CD6: variants seen among roughly 807,000 people sequenced by gnomAD.
CD6 encodes CD6 molecule, also known as T-cell differentiation antigen CD6.
CD6 carries 53 observed loss-of-function variants against 75.3 expected under a neutral mutation model. The ratio of observed to expected loss-of-function variants is 0.70; its 90% CI spans 0.56 to 0.88. The LOEUF is 0.88. Among genes scored for constraint, CD6 ranks in the 40% least tolerant of loss-of-function variants. The pLI, the probability that CD6 is intolerant of heterozygous loss-of-function variation, is 0.00. For missense variants in CD6, 770 were observed against 897.1 expected, an observed-to-expected ratio of 0.86 and a Z score of 1.81; for synonymous variants, 359 against 381.5, an observed-to-expected ratio of 0.94 and a Z score of 0.69.
intron 1 of CD6, among the ~76,000 whole-genome samples, chr11:60,988,384 C>T (rs1197381942): frequency 6.6e-6 from 1 of 152,212 alleles, no homozygotes; most frequent in African/African-American, 2.4e-5. Context: ...CTGTCAGCCC[C>T]CAGCTGTTAA....
intron 1 of CD6, chr11:60,985,096 A>G (rs976561935): frequency 6.6e-6 from 1 of 150,920 alleles, no homozygotes; most frequent in Non-Finnish European, 1.5e-5. Context: ...CACGTGTCAT[A>G]CCTGTACAGG....
intron 1 of CD6, among the ~76,000 whole-genome samples, chr11:60,995,999 T>A (rs1858279329): frequency 6.6e-6 from 1 of 152,134 alleles, no homozygotes; most frequent in Admixed American, 6.5e-5. Context: ...CTTGGCATGA[T>A]CACCAAAGCA....
chr11:60,977,308 A>G (rs1857401324), intron 1 of CD6, among the ~76,000 whole-genome samples: 1 of 152,168 alleles, frequency 6.6e-6, no homozygotes, highest in African/African-American at 2.4e-5. Flanking sequence ...CTTGGAGTGT[A>G]GACCTCCCAG....
chr11:61,006,427 T>A, intron 1 of CD6, 147 bp from the exon 2 acceptor site: 1 of 621,132 alleles, frequency 1.6e-6, no homozygotes, highest in South Asian at 1.9e-5. Context: ...GGGAGGCCAA[T>A]GCACCCAAAG....
chr11:61,009,137 T>G (rs373290953), intron 4 of CD6, among the ~76,000 whole-genome samples: 1 of 151,478 alleles, frequency 6.6e-6, no homozygotes, highest in Non-Finnish European at 1.5e-5. Flanking sequence ...CGAGTGGGAG[T>G]TGGCCACCTG....
intron 6 of CD6, among the ~76,000 whole-genome samples, chr11:61,013,193 T>A (rs531383232): frequency 6.6e-6 from 1 of 152,368 alleles, no homozygotes; most frequent in East Asian, 1.9e-4. Flanking sequence ...TGGCCAGAGT[T>A]CTATTTCAGG....
At chr11:60,989,521 G>A (rs1857974485) in intron 1 of CD6, 1 of 152,494 alleles carries the variant, frequency 6.6e-6, no homozygotes, top group African/African-American at 2.4e-5. Context: ...ACCTACCTCA[G>A]AGAGACAACA....
rs910803372 is a variant in CD6, at chr11:61,018,129, C to A, written c.1837+116C>A. The A allele has an allele frequency of 8.0e-5, 110 of 1,381,284 alleles. 4 individuals are homozygous for A. The South Asian group carries it at 1.4e-3, about 18-fold the overall frequency. 85.6% of individuals were successfully genotyped at this position (1,381,284 alleles called of 1,614,324 possible). ...GATTCTACCCAGTTCCGCAGCCATTCGCTGTGTGCCCTTGGACACATCTCC... is the reference window on the plus strand; with the variant it reads ...GATTCTACCCAGTTCCGCAGCCATTAGCTGTGTGCCCTTGGACACATCTCC... On this transcript the variant is annotated intron_variant, in intron 11 of 12. Coordinates refer to ENST00000313421, the MANE Select transcript of CD6 (RefSeq NM_006725.5).
At chr11:61,011,747 G>A (rs570308504) in intron 6 of CD6, among the ~76,000 whole-genome samples, 9 of 152,302 alleles carry the variant, frequency 5.9e-5, no homozygotes, top group East Asian at 3.9e-4. Context: ...CACCAGCTGC[G>A]TGTAGCTTGG....
intron 7 of CD6, 95 bp downstream of exon 7, chr11:61,013,658 C>G: frequency 7.3e-7 from 1 of 1,374,024 alleles, no homozygotes; most frequent in East Asian, 2.3e-5. Context: ...AATGACCACC[C>G]GGCCCTGGCC....
Position 61,013,508 on chromosome 11 carries a change from C to A in CD6, c.1236C>A (p.Leu412=). 6.2e-7 allele frequency: 1 copy of A among 1,614,128 alleles called. No homozygotes were observed. The highest frequency in any genetic ancestry group is 8.5e-7 in the Non-Finnish European group (1 of 1,179,948). The change falls in exon 7 of 13, where the codon CTC becomes CTA. Residue 412 remains leucine, a synonymous_variant. Transcript: ENST00000313421. ...LIPSIVLGIL[L]LGSLIFIAFI... ...CCTCCATCGTTCTGGGAATTCTCCT[C>A]CTTGGCTCCCTCATCTTCATAGCCT...
chr11:61,002,432 C>T (rs1358938354), intron 1 of CD6, among the ~76,000 whole-genome samples: 1 of 151,998 alleles, frequency 6.6e-6, no homozygotes, highest in African/African-American at 2.4e-5. Context: ...TGGTGGGTGC[C>T]TGTAATCCCA....
chr11:61,009,445 G>A, intron 4 of CD6, 127 bp from the exon 5 acceptor site: 1 of 830,370 alleles, frequency 1.2e-6, no homozygotes, highest in African/African-American at 1.7e-5. Context: ...ACAGACACAG[G>A]AGGGAGAAGA....
intron 1 of CD6, among the ~76,000 whole-genome samples, chr11:60,980,908 C>T (rs1857537959): frequency 6.6e-6 from 1 of 152,086 alleles, no homozygotes; most frequent in South Asian, 2.1e-4. Flanking sequence ...GGTGGGACAG[C>T]CTACGAGGGC....
intron 1 of CD6, among the ~76,000 whole-genome samples, chr11:60,990,477 G>A (rs2135068352): frequency 6.6e-6 from 1 of 152,224 alleles, no homozygotes; most frequent in Non-Finnish European, 1.5e-5. Context: ...ACTTGCCTCG[G>A]CCTTCCAAAG....
Position 61,011,097 on chromosome 11 carries a change from C to T in CD6, c.1112C>T (p.Thr371Ile). 1 of 1,614,080 alleles carries T rather than the reference C, an allele frequency of 6.2e-7. No individual in the cohort carries two copies. The highest frequency in any genetic ancestry group is 8.5e-7 in the Non-Finnish European group (1 of 1,180,004). ...SASRSLHNLS[T>I]PEVPASVQTV... is the part of the protein sequence containing the mutation. ...TCCCGGAGTTTGCACAATCTGTCCA[C>T]TCCCGAAGTCCCTGCAAGTGTTCAG... is the stretch of plus-strand genomic sequence containing the variant. The change falls in exon 6 of 13, where the codon ACT (threonine) becomes ATT (isoleucine). Residue 371 changes from threonine (T) to isoleucine (I), a missense_variant. Thr to Ile is a moderately conservative substitution (Grantham distance 89, BLOSUM62 -1). Coordinates refer to ENST00000313421, the MANE Select transcript of CD6 (RefSeq NM_006725.5).
chr11:61,010,688 G>C (rs543496775), intron 5 of CD6, among the ~76,000 whole-genome samples: 2 of 152,154 alleles, frequency 1.3e-5, no homozygotes, highest in Non-Finnish European at 2.9e-5. Flanking sequence ...TTCTTTGTGA[G>C]CCTACCTGCC....
intron 9 of CD6, chr11:61,016,826 G>A (rs930330608): frequency 6.6e-6 from 1 of 152,440 alleles, no homozygotes; most frequent in African/African-American, 2.4e-5. Context: ...GGGCTTCTGG[G>A]GGTGGGACAC....
At chr11:60,991,149 CTTTTTTTTT>C (rs58123378) in intron 1 of CD6, among the ~76,000 whole-genome samples, 1 of 114,708 alleles carries the variant, frequency 8.7e-6, no homozygotes, top group African/African-American at 3.3e-5. Flanking sequence ...CTTTTTCTTT[CTTTTTTTTT>C]TTTTTTTTTG....
Sources: allele counts gnomAD v4.1 joint callset (sites outside exome capture counted in the v4.1 genomes callset), GRCh38; gene constraint gnomAD v4.1.1; transcripts MANE v1.5; gene names NCBI Gene and HGNC (gene_info 2026-07-23, HGNC 2026-07-21).